Variants in MARCHF1 observed in about 807,000 individuals in gnomAD.
The protein encoded by MARCHF1 is E3 ubiquitin-protein ligase MARCHF1.
In MARCHF1, 40 loss-of-function variants were observed where a neutral mutation model predicts 54.2. The observed-to-expected ratio is 0.74, with a 90% CI of 0.57 to 0.96. The LOEUF (loss-of-function observed/expected upper bound fraction) is 0.96, where lower values mean the gene tolerates loss of function less well. Ranked by LOEUF, MARCHF1 falls within the 40% of genes least tolerant of loss-of-function variation. MARCHF1 has a pLI of 0.00. For synonymous variants in MARCHF1, 236 were observed against 236.3 expected (o/e 1.00, Z 0.01); for missense variants, 586 against 656.5 (o/e 0.89, Z 1.17).
At chr4:164,023,916 A>C (rs1753717127) in intron 2 of MARCHF1, among the ~76,000 whole-genome samples, 1 of 152,228 alleles carries the variant, frequency 6.6e-6, no homozygotes, top group Admixed American at 6.5e-5. Context: ...GGAACTGAAA[A>C]ATTTACTACA....
At chr4:163,818,491 T>G (rs753770601) in intron 4 of MARCHF1, among the ~76,000 whole-genome samples, 7 of 152,104 alleles carry the variant, frequency 4.6e-5, no homozygotes, top group Non-Finnish European at 1.0e-4. Context: ...TACCATAACA[T>G]TCATTTTATA....
At chr4:164,139,679 C>T (rs529813406) in intron 1 of MARCHF1, among the ~76,000 whole-genome samples, 1 of 152,116 alleles carries the variant, frequency 6.6e-6, no homozygotes, top group African/African-American at 2.4e-5. Flanking sequence ...GCTTACTCAG[C>T]GCAGGAGTAG....
chr4:164,276,740 T>C (rs1480942820), intron 1 of MARCHF1, among the ~76,000 whole-genome samples: 1 of 150,584 alleles, frequency 6.6e-6, no homozygotes, highest in Non-Finnish European at 1.5e-5. Context: ...TATCAAACTT[T>C]CTCTGAAACT....
intron 4 of MARCHF1, among the ~76,000 whole-genome samples, chr4:163,817,079 G>A (rs187224333): frequency 3.0e-4 from 45 of 151,832 alleles, no homozygotes; most frequent in Admixed American, 8.5e-4. Flanking sequence ...TTATTTTCTC[G>A]GCAATTTTAC....
rs186453987 is a variant in MARCHF1, at chr4:164,086,465, T to A, written c.-248+25123A>T. ...AAATTTCAAGTTTCATCACGAAAAGTTCAATATGCTTCACTACTGTACACA... is the reference window on the plus strand; with the variant it reads ...AAATTTCAAGTTTCATCACGAAAAGATCAATATGCTTCACTACTGTACACA... On this transcript the variant is annotated intron_variant, in intron 2 of 9. Coordinates refer to ENST00000514618, the MANE Select transcript of MARCHF1 (RefSeq NM_001394959.1). Among the ~76,000 whole-genome samples the A allele has an allele frequency of 2.3e-3, 353 of 152,078 alleles. 2 individuals carry two copies. Among genetic ancestry groups the A allele is most frequent in the African/African-American group, 8.0e-3 (334 of 41,564 alleles).
At chr4:164,315,130 T>C (rs1734961467) in intron 1 of MARCHF1, among the ~76,000 whole-genome samples, 1 of 151,076 alleles carries the variant, frequency 6.6e-6, no homozygotes, top group Non-Finnish European at 1.5e-5. Flanking sequence ...AACTTGTTTA[T>C]GCTCCATAAA....
chr4:164,372,058 G>A (rs1270851518), intron 1 of MARCHF1, among the ~76,000 whole-genome samples: 1 of 152,232 alleles, frequency 6.6e-6, no homozygotes, highest in Non-Finnish European at 1.5e-5. Context: ...CTGGGTGACA[G>A]AGGGAGGCCC....
At chr4:163,864,818 A>T (rs563601338) in intron 3 of MARCHF1, among the ~76,000 whole-genome samples, 2 of 152,070 alleles carry the variant, frequency 1.3e-5, no homozygotes, top group Non-Finnish European at 2.9e-5. Context: ...ATTTAATAAC[A>T]CTAACAAATT....
At chr4:163,665,761 T>C (rs1046255985) in intron 5 of MARCHF1, among the ~76,000 whole-genome samples, 2 of 152,176 alleles carry the variant, frequency 1.3e-5, no homozygotes, top group African/African-American at 4.8e-5. Flanking sequence ...TAAATCAGTG[T>C]TATAAATAAA....
chr4:164,051,917 C>G (rs1383619849), intron 2 of MARCHF1, among the ~76,000 whole-genome samples: 2 of 152,118 alleles, frequency 1.3e-5, no homozygotes, highest in Non-Finnish European at 2.9e-5. Flanking sequence ...ACATAGCCCC[C>G]TCAAAATGCA....
intron 2 of MARCHF1, among the ~76,000 whole-genome samples, chr4:164,032,958 T>C (rs1216481750): frequency 6.6e-6 from 1 of 152,052 alleles, no homozygotes; most frequent in Non-Finnish European, 1.5e-5. Context: ...AAAACAGACA[T>C]ATAGACCAAT....
At chr4:163,816,687 G>A (rs116759425) in intron 4 of MARCHF1, among the ~76,000 whole-genome samples, 3,806 of 152,104 alleles carry the variant, frequency 0.025, 155 homozygotes, top group African/African-American at 0.083. Context: ...CCTTACAGAG[G>A]GGGGCACTGA....
chr4:164,262,792 AG>A (rs1234557326), intron 1 of MARCHF1, among the ~76,000 whole-genome samples: 3 of 152,192 alleles, frequency 2.0e-5, no homozygotes, highest in Admixed American at 6.5e-5. Flanking sequence ...TTGACACCAA[AG>A]GGTTTGTCAC....
intron 2 of MARCHF1, among the ~76,000 whole-genome samples, chr4:164,037,951 T>A (rs1169751085): frequency 1.3e-5 from 2 of 152,068 alleles, no homozygotes; most frequent in Non-Finnish European, 2.9e-5. Context: ...TGGAGAGAAA[T>A]TAGTTATTGT....
At chr4:164,050,700 A>G (rs1754345777) in intron 2 of MARCHF1, among the ~76,000 whole-genome samples, 1 of 152,164 alleles carries the variant, frequency 6.6e-6, no homozygotes, top group African/African-American at 2.4e-5. Context: ...TGGGAGGCTA[A>G]GGCGGGCGGA....
intron 3 of MARCHF1, among the ~76,000 whole-genome samples, chr4:163,883,269 GA>G: frequency 6.6e-6 from 1 of 151,182 alleles, no homozygotes; most frequent in South Asian, 2.1e-4. Context: ...GAGAGAGAGA[GA>G]GAGAGAGAGA....
chr4:163,589,020 CT>C (rs1251840040), intron 7 of MARCHF1, among the ~76,000 whole-genome samples: 1 of 149,976 alleles, frequency 6.7e-6, no homozygotes, highest in Non-Finnish European at 1.5e-5. Context: ...GAAAACCCCA[CT>C]TGGCCTGGCA....
chr4:164,165,832 T>C (rs1454989394), intron 1 of MARCHF1, among the ~76,000 whole-genome samples: 1 of 152,036 alleles, frequency 6.6e-6, no homozygotes, highest in Non-Finnish European at 1.5e-5. Context: ...CTGTTAATTA[T>C]CTTCTTTCTC....
intron 3 of MARCHF1, among the ~76,000 whole-genome samples, chr4:163,925,169 A>G (rs1751511416): frequency 6.6e-6 from 1 of 151,892 alleles, no homozygotes. Flanking sequence ...TTTTCTATTT[A>G]TCTGCAAATA....
Sources: gnomAD v4.1 joint callset for allele counts (sites outside exome capture counted in the v4.1 genomes callset) on GRCh38, gnomAD v4.1.1 for gene constraint, MANE v1.5 for transcripts, NCBI Gene and HGNC (gene_info 2026-07-23, HGNC 2026-07-21) for gene names.